Variants in DISP1 observed in about 807,000 individuals in gnomAD.
DISP1 encodes dispatched RND transporter family member 1.
DISP1 carries 30 observed loss-of-function variants against 37.3 expected under a neutral mutation model. That is an observed-to-expected ratio of 0.80 (90% CI 0.60 to 1.09). The LOEUF is 1.09. DISP1 is among the 50% of genes least tolerant of loss of function. The pLI, the probability that DISP1 is intolerant of heterozygous loss-of-function variation, is 0.00. For synonymous variants in DISP1, 634 were observed against 690.2 expected (o/e 0.92, Z 1.28); for missense variants, 1,598 against 1,879.5 (o/e 0.85, Z 2.77).
intron 1 of DISP1, among the ~76,000 whole-genome samples, chr1:222,846,320 C>T (rs565080544): frequency 7.2e-5 from 11 of 152,214 alleles, no homozygotes; most frequent in African/African-American, 1.4e-4. Context: ...GGCAAAACCC[C>T]GTCTCTACTA....
intron 3 of DISP1, among the ~76,000 whole-genome samples, chr1:222,964,332 A>C (rs1676302040): frequency 3.3e-5 from 5 of 151,726 alleles, no homozygotes; most frequent in Admixed American, 3.3e-4. Context: ...AGATTAATTA[A>C]AAAGTTACTA....
chr1:222,927,246 A>C (rs1051460649), intron 1 of DISP1, among the ~76,000 whole-genome samples: 1 of 152,006 alleles, frequency 6.6e-6, no homozygotes, highest in African/African-American at 2.4e-5. Flanking sequence ...GTGAAGTGGT[A>C]TCTAATAAGA....
chr1:222,959,226 G>C (rs1675842764), intron 3 of DISP1, among the ~76,000 whole-genome samples: 2 of 152,026 alleles, frequency 1.3e-5, no homozygotes. Flanking sequence ...GGACTTTAAT[G>C]GCATAAAATT....
chr1:222,818,027 C>A (rs1281208959), intron 1 of DISP1, among the ~76,000 whole-genome samples: 1 of 152,180 alleles, frequency 6.6e-6, no homozygotes, highest in African/African-American at 2.4e-5. Flanking sequence ...GGCTATAACT[C>A]ACAATGGCAA....
At chr1:222,827,429 G>A (rs1664711658) in intron 1 of DISP1, 1 of 152,070 alleles carries the variant, frequency 6.6e-6, no homozygotes, top group Non-Finnish European at 1.5e-5. Flanking sequence ...TGTTCTTAGA[G>A]TCAACTTTTA....
intron 1 of DISP1, among the ~76,000 whole-genome samples, chr1:222,888,816 G>T (rs990334869): frequency 1.3e-5 from 2 of 150,918 alleles, no homozygotes; most frequent in Non-Finnish European, 3.0e-5. Context: ...TTTGTCAGTT[G>T]TGTGTGTGTG....
intron 1 of DISP1, among the ~76,000 whole-genome samples, chr1:222,903,847 A>G (rs1021826771): frequency 6.6e-6 from 1 of 152,216 alleles, no homozygotes; most frequent in Non-Finnish European, 1.5e-5. Flanking sequence ...CTCAGAGGTT[A>G]GGGAAGAGAA....
chr1:222,950,946 A>G (rs1413122143), intron 3 of DISP1, among the ~76,000 whole-genome samples: 1 of 152,224 alleles, frequency 6.6e-6, no homozygotes. Flanking sequence ...AATATTCTTG[A>G]TTGTAACAGA....
intron 3 of DISP1, among the ~76,000 whole-genome samples, chr1:222,978,043 A>G (rs112604942): frequency 2.6e-5 from 4 of 152,322 alleles, no homozygotes; most frequent in African/African-American, 9.6e-5. Context: ...TCCTTTGGGT[A>G]TATACCCAGT....
At chr1:222,880,362 T>G (rs985589429) in intron 1 of DISP1, among the ~76,000 whole-genome samples, 3 of 152,208 alleles carry the variant, frequency 2.0e-5, no homozygotes, top group Non-Finnish European at 4.4e-5. Flanking sequence ...CTTTTCTATG[T>G]GGTCTAATTT....
intron 1 of DISP1, chr1:222,827,266 T>C (rs1018107610): frequency 6.6e-6 from 1 of 152,206 alleles, no homozygotes; most frequent in Admixed American, 6.5e-5. Context: ...ATTTTTATTC[T>C]GTAAATGTAC....
intron 1 of DISP1, among the ~76,000 whole-genome samples, chr1:222,871,880 A>G (rs1669605168): frequency 6.6e-6 from 1 of 152,208 alleles, no homozygotes; most frequent in Admixed American, 6.5e-5. Context: ...TTCAAAGGGA[A>G]TACTTCCAGT....
intron 8 of DISP1, among the ~76,000 whole-genome samples, chr1:222,995,580 C>G (rs994767266): frequency 1.3e-5 from 2 of 152,198 alleles, no homozygotes; most frequent in Non-Finnish European, 2.9e-5. Flanking sequence ...AAGACAGGCG[C>G]TTTGTCTCTC....
chr1:222,959,645 A>C (rs1675876806), intron 3 of DISP1, among the ~76,000 whole-genome samples: 1 of 151,250 alleles, frequency 6.6e-6, no homozygotes, highest in African/African-American at 2.4e-5. Flanking sequence ...GGTTGCAGTG[A>C]ACCGAGACTG....
At chr1:222,994,460 C>T (rs929063185) in intron 7 of DISP1, among the ~76,000 whole-genome samples, 1 of 152,186 alleles carries the variant, frequency 6.6e-6, no homozygotes, top group Non-Finnish European at 1.5e-5. Context: ...CCCACCATCT[C>T]TCCTCTCTAG....
rs1678390149 is a variant in DISP1 at position 222,987,856 on chromosome 1, A to G, written c.540-2769A>G. ...GCCATTTTCATTTCACAGGGCTGAT[A>G]TTTTAATGGTCTAAAATGTAAAGGA... On this transcript the variant is annotated intron_variant, in intron 4 of 8. Coordinates refer to ENST00000675850, the MANE Select transcript of DISP1 (RefSeq NM_001377229.1). 3.9e-5 allele frequency among the ~76,000 whole-genome samples: 6 copies of G among 152,160 alleles called. 1 individual carries two copies. The South Asian group carries it at 1.3e-3, about 32-fold the overall frequency.
At chr1:222,913,073 CT>C (rs1672297601) in intron 1 of DISP1, among the ~76,000 whole-genome samples, 2 of 151,736 alleles carry the variant, frequency 1.3e-5, no homozygotes, top group South Asian at 4.1e-4. Context: ...TCTAATTAGA[CT>C]TTAAAGTTTT....
At chr1:222,828,744 C>G (rs1665029136) in intron 1 of DISP1, among the ~76,000 whole-genome samples, 2 of 152,208 alleles carry the variant, frequency 1.3e-5, no homozygotes, top group South Asian at 4.1e-4. Flanking sequence ...CGCTTTAGCA[C>G]TAACTCACCT....
intron 1 of DISP1, among the ~76,000 whole-genome samples, chr1:222,850,703 T>C (rs568973806): frequency 2.6e-5 from 4 of 152,348 alleles, no homozygotes; most frequent in African/African-American, 7.2e-5. Flanking sequence ...TTTGTTTTTT[T>C]GTTCCTGCAT....
Sources: gnomAD v4.1 joint callset for allele counts (sites outside exome capture counted in the v4.1 genomes callset) on GRCh38, gnomAD v4.1.1 for gene constraint, MANE v1.5 for transcripts, NCBI Gene and HGNC (gene_info 2026-07-23, HGNC 2026-07-21) for gene names.